Variants in DEFB130B observed in about 807,000 individuals in gnomAD.
DEFB130B encodes defensin beta 130B, also known as beta-defensin 130B.
chr8:12,065,095 T>A lies in DEFB130B; in HGVS notation c.59-525A>T, dbSNP rs1446284350. Among the ~76,000 whole-genome samples, 15 of 120,028 alleles carry A rather than the reference T, an allele frequency of 1.2e-4. 3 individuals carry two copies. The highest frequency in any genetic ancestry group is 4.2e-4 in the African/African-American group (15 of 35,416). The allele number at this position is 120,028 out of a possible 152,430, so 78.7% of individuals were successfully genotyped here. ...ATCCTTGAGATTTTATCTAAACTAA[T>A]TTCCTCATTTCAGAACTATGTAAGA... On this transcript the variant is annotated intron_variant, in intron 1 of 1. Transcript: ENST00000437818.
chr8:12,065,173 G>C (rs185352930), intron 1 of DEFB130B, among the ~76,000 whole-genome samples: 39 of 26,688 alleles, frequency 1.5e-3, no homozygotes, highest in African/African-American at 2.6e-3. Context: ...GGAATGGATA[G>C]ATAGATAGAT....
chr8:12,066,969 A>C (rs1445851851), intron 1 of DEFB130B, among the ~76,000 whole-genome samples: 3 of 117,944 alleles, frequency 2.5e-5, no homozygotes, highest in Admixed American at 8.3e-5. Context: ...TAAATGGAAC[A>C]GGATCTGCCT....
chr8:12,069,521 C>A (rs1417655127), intron 1 of DEFB130B, among the ~76,000 whole-genome samples: 6 of 137,686 alleles, frequency 4.4e-5, no homozygotes, highest in Admixed American at 4.3e-4. Flanking sequence ...GCCACAGTAA[C>A]TAAAATGGCA....
At chr8:12,065,100 T>G (rs1368314609) in intron 1 of DEFB130B, among the ~76,000 whole-genome samples, 8 of 120,382 alleles carry the variant, frequency 6.6e-5, no homozygotes, top group African/African-American at 2.2e-4. Flanking sequence ...ACTAATTTCC[T>G]CATTTCAGAA....
intron 1 of DEFB130B, among the ~76,000 whole-genome samples, chr8:12,069,540 G>T (rs1411401399): frequency 1.4e-4 from 19 of 137,194 alleles, no homozygotes; most frequent in African/African-American, 4.3e-4. Context: ...CATGGGACTG[G>T]TACAAAAGCA....
Position 12,065,168 on chromosome 8 carries a change from G to GGATAGATA in DEFB130B, c.59-606_59-599dup, listed in dbSNP as rs1161076222. Among the ~76,000 whole-genome samples, 109 of 29,426 alleles carry GGATAGATA rather than the reference G, an allele frequency of 3.7e-3. 2 individuals are homozygous for GGATAGATA. Among genetic ancestry groups the GGATAGATA allele is most frequent in the African/African-American group, 7.3e-3 (102 of 13,892 alleles). The allele number at this position is 29,426 out of a possible 152,430, so 19.3% of individuals were successfully genotyped here. On this transcript the variant is annotated intron_variant, in intron 1 of 1. Coordinates refer to ENST00000437818, the MANE Select transcript of DEFB130B (RefSeq NM_001195257.1). The stretch of plus-strand genomic sequence containing the variant: ...ATACCTCATAGATAGATGGAGGAAT[G>GGATAGATA]GATAGATAGATAGATAGATAGATAG...
chr8:12,069,534 G>A (rs919906207), intron 1 of DEFB130B, among the ~76,000 whole-genome samples: 1 of 137,078 alleles, frequency 7.3e-6, no homozygotes, highest in African/African-American at 2.5e-5. Flanking sequence ...AAATGGCATG[G>A]GACTGGTACA....
At position 12,069,450 on chromosome 8, in the gene DEFB130B, C is replaced by G. The variant is rs1243735054; in HGVS notation, c.58+2240G>C. Among the ~76,000 whole-genome samples, 15 of 135,992 alleles carry G rather than the reference C, an allele frequency of 1.1e-4. 3 individuals carry two copies. The highest frequency in any genetic ancestry group is 2.2e-4 in the Admixed American group (3 of 13,594). The allele number at this position is 135,992 out of a possible 152,430, so 89.2% of individuals were successfully genotyped here. ...AAAGAACTCAGACAACCAAAATAAT[C>G]CTAAGCAAAAAGAGCAACACTGGAG... On this transcript the variant is annotated intron_variant, in intron 1 of 1. Coordinates refer to ENST00000437818, the MANE Select transcript of DEFB130B (RefSeq NM_001195257.1).
intron 1 of DEFB130B, among the ~76,000 whole-genome samples, chr8:12,065,175 T>C (rs1308207462): frequency 3.1e-5 from 1 of 32,722 alleles, no homozygotes; most frequent in African/African-American, 6.0e-5. Flanking sequence ...AATGGATAGA[T>C]AGATAGATAG....
intron 1 of DEFB130B, among the ~76,000 whole-genome samples, chr8:12,069,459 A>G (rs1203832796): frequency 7.3e-6 from 1 of 136,780 alleles, no homozygotes; most frequent in Non-Finnish European, 1.7e-5. Flanking sequence ...TCCTAAGCAA[A>G]AAGAGCAACA....
At chr8:12,067,011 G>A (rs1563142401) in intron 1 of DEFB130B, among the ~76,000 whole-genome samples, 1 of 90,052 alleles carries the variant, frequency 1.1e-5, no homozygotes, top group Non-Finnish European at 2.5e-5. Context: ...TAGAAGTGCA[G>A]TTTCCTTTTC....
chr8:12,070,933 TG>T (rs1801832795), intron 1 of DEFB130B, among the ~76,000 whole-genome samples: 1 of 41,490 alleles, frequency 2.4e-5, no homozygotes, highest in South Asian at 1.3e-3. Flanking sequence ...CACTTTATTT[TG>T]GGGGCTATGA....
At chr8:12,069,520 A>T (rs1221605511) in intron 1 of DEFB130B, among the ~76,000 whole-genome samples, 1 of 137,834 alleles carries the variant, frequency 7.3e-6, no homozygotes, top group Non-Finnish European at 1.7e-5. Flanking sequence ...GGCCACAGTA[A>T]CTAAAATGGC....
In DEFB130B at chr8:12,070,191, A is replaced by G. The variant is rs1801824212; in HGVS notation, c.58+1499T>C. Among the ~76,000 whole-genome samples the G allele has an allele frequency of 4.1e-4, 2 of 4,820 alleles. 1 individual carries two copies. Among genetic ancestry groups the G allele is most frequent in the African/African-American group, 4.5e-4 (2 of 4,396 alleles). The allele number at this position is 4,820 out of a possible 152,430, so 3.2% of individuals were successfully genotyped here. A position where few individuals can be genotyped will look rare whatever the true frequency, so the allele number is the denominator to read the frequency against. On this transcript the variant is annotated intron_variant, in intron 1 of 1. Transcript: ENST00000437818. ...TAGAGCAATGCAAATCAAAACCACAATGAGAACTATCTTACACCAGTGAGA... is the reference window on the plus strand; with the variant it reads ...TAGAGCAATGCAAATCAAAACCACAGTGAGAACTATCTTACACCAGTGAGA...
Position 12,065,108 on chromosome 8 carries a change from G to A in DEFB130B, c.59-538C>T, listed in dbSNP as rs549674368. On this transcript the variant is annotated intron_variant, in intron 1 of 1. Transcript: ENST00000437818. ...TATCTAAACTAATTTCCTCATTTCA[G>A]AACTATGTAAGAAATACCTTTCCTA... 8.4e-5 allele frequency among the ~76,000 whole-genome samples: 10 copies of A among 119,658 alleles called. 1 individual carries two copies. The Admixed American group carries it at 8.5e-4, about 10-fold the overall frequency. 78.5% of individuals were successfully genotyped at this position (119,658 alleles called of 152,430 possible).
At chr8:12,067,141 G>C (rs967784626) in intron 1 of DEFB130B, among the ~76,000 whole-genome samples, 1 of 13,744 alleles carries the variant, frequency 7.3e-5, no homozygotes, top group African/African-American at 2.4e-4. Context: ...TTCTCAGAGA[G>C]CTAATGCAGC....
chr8:12,065,165 A>G lies in DEFB130B; in HGVS notation c.59-595T>C, dbSNP rs1294642532. On this transcript the variant is annotated intron_variant, in intron 1 of 1. Transcript: ENST00000437818. ...TCAATACCTCATAGATAGATGGAGG[A>G]ATGGATAGATAGATAGATAGATAGA... Among the ~76,000 whole-genome samples, 47 of 58,246 alleles carry G rather than the reference A, an allele frequency of 8.1e-4. No homozygotes were observed. The East Asian group carries it at 0.012, about 15-fold the overall frequency. The allele number at this position is 58,246 out of a possible 152,430, so 38.2% of individuals were successfully genotyped here.
At chr8:12,069,107 CCAACAATGTT>C in intron 1 of DEFB130B, among the ~76,000 whole-genome samples, 2 of 2,830 alleles carry the variant, frequency 7.1e-4, no homozygotes, top group Non-Finnish European at 1.2e-3. Flanking sequence ...TTTCTATACA[CCAACAATGTT>C]CAACCCGAGA....
intron 1 of DEFB130B, among the ~76,000 whole-genome samples, chr8:12,065,085 TCTAAA>T (rs967209477): frequency 1.7e-5 from 2 of 119,672 alleles, no homozygotes; most frequent in African/African-American, 5.7e-5. Context: ...TGAGATTTTA[TCTAAA>T]CTAATTTCCT....
Sources: gnomAD v4.1 joint callset for allele counts (sites outside exome capture counted in the v4.1 genomes callset) on GRCh38, gnomAD v4.1.1 for gene constraint, MANE v1.5 for transcripts, NCBI Gene and HGNC (gene_info 2026-07-23, HGNC 2026-07-21) for gene names.